The following STEAP3 variants were observed in gnomAD, a reference collection of about 807,000 sequenced individuals.
STEAP3 encodes the protein metalloreductase STEAP3.
STEAP3 carries 35 observed loss-of-function variants against 34.9 expected under a neutral mutation model. The observed-to-expected ratio is 1.00, with a 90% CI of 0.76 to 1.33. The LOEUF is 1.33. STEAP3 is among the 40% of genes most tolerant of loss of function. STEAP3 has a pLI of 0.00. For missense variants in STEAP3, 652 were observed against 667.6 expected (o/e 0.98, Z 0.26); for synonymous variants, 281 against 301.6 (o/e 0.93, Z 0.71).
intron 1 of STEAP3, among the ~76,000 whole-genome samples, chr2:119,228,582 G>C (rs1236046157): frequency 6.6e-6 from 1 of 152,178 alleles, no homozygotes; most frequent in Non-Finnish European, 1.5e-5. Flanking sequence ...AACTGGAAGG[G>C]AAGGAAGCAA....
intron 5 of STEAP3, among the ~76,000 whole-genome samples, chr2:119,258,713 T>C (rs1453476018): frequency 1.5e-4 from 23 of 148,428 alleles, no homozygotes; most frequent in Admixed American, 1.5e-3. Flanking sequence ...GTTCATGCCA[T>C]TCTCCTGCCT....
intron 4 of STEAP3, chr2:119,248,648 G>A (rs1677527634): frequency 6.2e-6 from 1 of 160,250 alleles, no homozygotes; most frequent in African/African-American, 2.4e-5. Flanking sequence ...ACGGGGCATA[G>A]TCCTTGGGCA....
intron 5 of STEAP3, chr2:119,257,396 G>C (rs542659140): frequency 3.0e-5 from 42 of 1,406,164 alleles, no homozygotes; most frequent in Admixed American, 3.3e-5. Context: ...GATGCTGAGG[G>C]ATGGCTCTGG....
intron 2 of STEAP3, among the ~76,000 whole-genome samples, chr2:119,239,974 G>A (rs1337487868): frequency 6.6e-6 from 1 of 152,156 alleles, no homozygotes; most frequent in Non-Finnish European, 1.5e-5. Flanking sequence ...AAGAAATAGA[G>A]CAGTAATAGG....
Position 119,230,732 on chromosome 2 carries a change from C to A in STEAP3, c.-281C>A. ...AATTATCACCCGTGAGGTTTCCTCC[C>A]CGAGCAGGAAGCAGCAGGCCAGAGC... On this transcript the variant is annotated 5_prime_UTR_variant, in exon 2 of 6. Coordinates refer to ENST00000393110, the MANE Select transcript of STEAP3 (RefSeq NM_182915.3). 1 of 548,080 alleles carries A rather than the reference C, an allele frequency of 1.8e-6. No individual in the cohort carries two copies. Among genetic ancestry groups the A allele is most frequent in the East Asian group, 3.0e-5 (1 of 33,304 alleles). The allele number at this position is 548,080 out of a possible 1,614,324, so 34.0% of individuals were successfully genotyped here.
chr2:119,246,117 T>G, intron 3 of STEAP3, 129 bp downstream of exon 3: 1 of 1,267,552 alleles, frequency 7.9e-7, no homozygotes, highest in South Asian at 1.5e-5. Context: ...AATTCCATTT[T>G]ACAGAACAGG....
intron 2 of STEAP3, among the ~76,000 whole-genome samples, chr2:119,235,861 C>A (rs1356458918): frequency 6.6e-6 from 1 of 152,128 alleles, no homozygotes; most frequent in Non-Finnish European, 1.5e-5. Context: ...GATGTTGGGA[C>A]CAGCATCCCC....
intron 2 of STEAP3, among the ~76,000 whole-genome samples, chr2:119,235,778 G>A (rs1449424006): frequency 6.6e-6 from 1 of 152,226 alleles, no homozygotes; most frequent in Non-Finnish European, 1.5e-5. Context: ...GGAGCAGTTG[G>A]TATAGGCTTG....
In STEAP3 at chr2:119,254,746, C is replaced by T. The variant is rs961829995; in HGVS notation, c.1113C>T (p.Leu371=). 6.2e-7 allele frequency: 1 copy of T among 1,614,172 alleles called. No homozygotes were observed. The highest frequency in any genetic ancestry group is 8.5e-7 in the Non-Finnish European group (1 of 1,180,022). Residue 371 remains leucine (L), a synonymous_variant, in exon 5 of 6, where the codon CTC becomes CTT. Coordinates refer to ENST00000393110, the MANE Select transcript of STEAP3 (RefSeq NM_182915.3). The part of the protein sequence containing the change: ...EEEVWRMEIY[L]SLGVLALGTL... ...AGGTCTGGCGGATGGAGATCTACCT[C>T]TCCCTGGGAGTGCTGGCCCTCGGCA... is the stretch of plus-strand genomic sequence containing the variant.
intron 2 of STEAP3, among the ~76,000 whole-genome samples, chr2:119,231,355 G>A (rs1232913093): frequency 7.8e-6 from 1 of 127,814 alleles, no homozygotes; most frequent in Non-Finnish European, 1.8e-5. Context: ...GTGTGTGTGT[G>A]TGTGTGTGTG....
chr2:119,256,907 G>A (rs1336000789), intron 5 of STEAP3, among the ~76,000 whole-genome samples: 2 of 152,210 alleles, frequency 1.3e-5, no homozygotes, highest in Admixed American at 6.5e-5. Context: ...GCCACAGTAA[G>A]AGATTATGTG....
intron 5 of STEAP3, among the ~76,000 whole-genome samples, chr2:119,260,108 G>A (rs1390326215): frequency 6.6e-6 from 1 of 152,138 alleles, no homozygotes; most frequent in Non-Finnish European, 1.5e-5. Flanking sequence ...CTCCCCGGGT[G>A]ATTCTAATGT....
chr2:119,248,002 G>T lies in STEAP3; in HGVS notation c.846G>T (p.Leu282Phe). Residue 282 changes from leucine to phenylalanine, a missense_variant, in exon 4 of 6, where the codon TTG becomes TTT. Transcript: ENST00000393110. The stretch of plus-strand genomic sequence containing the variant: ...ACGTGCTGCTGTCACTCGTGTACTT[G>T]CCCGGCGTGCTGGCGGCTGCCCTGC... ...VAYVLLSLVY[L>F]PGVLAAALQL... is the part of the protein sequence containing the mutation. The T allele has an allele frequency of 6.2e-7, 1 of 1,611,644 alleles. No homozygotes were observed.
chr2:119,230,917 A>T lies in STEAP3; in HGVS notation c.-96A>T. The stretch of plus-strand genomic sequence containing the variant: ...GAAACCGAGAGTCAGAACCAAAGCC[A>T]GGCTGTCCTGGTTGGAGACTGAGCC... On this transcript the variant is annotated 5_prime_UTR_variant, in exon 2 of 6. Transcript: ENST00000393110. 6.4e-7 allele frequency: 1 copy of T among 1,554,954 alleles called. No individual in the cohort carries two copies. Among genetic ancestry groups the T allele is most frequent in the Admixed American group, 1.7e-5 (1 of 59,828 alleles).
In STEAP3 at chr2:119,263,280, C is replaced by G; in HGVS notation, c.1439C>G (p.Thr480Ser). ...CGGAGAGGCTGGGAGAGGGAGAGCA[C>G]CATCAAGTTCACGCTGCCCACAGAC... Reference protein sequence around the residue: ...RIRRGWERESTIKFTLPTDHA... With the variant: ...RIRRGWERESSIKFTLPTDHA... Residue 480 changes from threonine (T) to serine (S), a missense_variant, in exon 6 of 6, where the codon ACC (threonine) becomes AGC (serine). Coordinates refer to ENST00000393110, the MANE Select transcript of STEAP3 (RefSeq NM_182915.3). 6.2e-7 allele frequency: 1 copy of G among 1,614,002 alleles called. No individual in the cohort carries two copies. The highest frequency in any genetic ancestry group is 1.1e-5 in the South Asian group (1 of 91,058).
intron 3 of STEAP3, among the ~76,000 whole-genome samples, chr2:119,247,275 A>T (rs6738309): frequency 6.6e-6 from 1 of 152,134 alleles, no homozygotes; most frequent in Non-Finnish European, 1.5e-5. Flanking sequence ...ACAGCTGCCC[A>T]TTCTGCACCA....
At chr2:119,262,667 C>T (rs1054646752) in intron 5 of STEAP3, among the ~76,000 whole-genome samples, 3 of 152,184 alleles carry the variant, frequency 2.0e-5, no homozygotes, top group East Asian at 1.9e-4. Flanking sequence ...CGAGAGCCAC[C>T]GCAGCAGGCC....
chr2:119,250,693 G>A (rs1468146421), intron 4 of STEAP3, among the ~76,000 whole-genome samples: 1 of 152,068 alleles, frequency 6.6e-6, no homozygotes, highest in Non-Finnish European at 1.5e-5. Flanking sequence ...TCCCTCCCCT[G>A]CCACCCTTCA....
At chr2:119,242,700 A>G (rs2104812832) in intron 2 of STEAP3, among the ~76,000 whole-genome samples, 1 of 152,308 alleles carries the variant, frequency 6.6e-6, no homozygotes. Flanking sequence ...GCTTTACACA[A>G]TTGACTTATT....
Sources: gnomAD v4.1 joint callset for allele counts (sites outside exome capture counted in the v4.1 genomes callset) on GRCh38, gnomAD v4.1.1 for gene constraint, MANE v1.5 for transcripts, NCBI Gene and HGNC (gene_info 2026-07-23, HGNC 2026-07-21) for gene names.